Variants in LMBRD2 observed in about 807,000 individuals in gnomAD.
LMBRD2 encodes the protein G protein-coupled receptor-associated protein LMBRD2.
In LMBRD2, 55 loss-of-function variants were observed where a neutral mutation model predicts 94.4. That is an observed-to-expected ratio of 0.58 (90% CI 0.47 to 0.73). The LOEUF is 0.73. Ranked by LOEUF, LMBRD2 falls within the 30% of genes least tolerant of loss-of-function variation. The pLI is 0.00. For synonymous variants in LMBRD2, 246 were observed against 272.4 expected, an observed-to-expected ratio of 0.90 and a Z score of 0.95; for missense variants, 640 against 831.9, an observed-to-expected ratio of 0.77 and a Z score of 2.84.
rs1237480639 is a variant in LMBRD2 at position 36,122,323 on chromosome 5, C to A, written c.1077G>T (p.Glu359Asp). ...HQFVHTFQSPEPENRFIQYFY... is the reference protein window; with the variant it reads ...HQFVHTFQSPDPENRFIQYFY... Reference sequence around the variant, plus strand: ...AATATTGGATAAATCGATTTTCTGGCTCTGGCGATTGAAAGGTGTGAACAA... The same window carrying A: ...AATATTGGATAAATCGATTTTCTGGATCTGGCGATTGAAAGGTGTGAACAA... Residue 359 changes from glutamate to aspartate, a missense_variant, in exon 9 of 18, where the codon GAG (glutamate) becomes GAT (aspartate). Glu to Asp is a conservative substitution (Grantham distance 45). This residue lies in a region of LMBRD2 where 457 missense variants were observed against 642.8 expected (regional missense o/e 0.71). Coordinates refer to ENST00000296603, the MANE Select transcript of LMBRD2 (RefSeq NM_001007527.2). 2.5e-6 allele frequency: 4 copies of A among 1,606,028 alleles called. No homozygotes were observed. The highest frequency in any genetic ancestry group is 3.4e-6 in the Non-Finnish European group (4 of 1,177,790).
chr5:36,122,522 TCCACTAG>T, intron 8 of LMBRD2, 59 bp from the exon 9 acceptor site: 1 of 1,365,686 alleles, frequency 7.3e-7, no homozygotes, highest in Non-Finnish European at 1.0e-6. Context: ...GGTTCAACTC[TCCACTAG>T]GGAGCATGTT....
intron 1 of LMBRD2, among the ~76,000 whole-genome samples, chr5:36,150,128 C>T (rs1373428152): frequency 1.3e-5 from 2 of 152,026 alleles, no homozygotes; most frequent in African/African-American, 4.8e-5. Flanking sequence ...AAAATTATTC[C>T]CATATTAGGA....
intron 4 of LMBRD2, 25 bp downstream of exon 4, chr5:36,141,082 A>T (rs1438973444): frequency 5.0e-6 from 7 of 1,397,298 alleles, no homozygotes; most frequent in Non-Finnish European, 6.0e-6. Flanking sequence ...AAATTTTAAA[A>T]ATTTTATCAT....
chr5:36,142,499 T>TA lies in LMBRD2; in HGVS notation c.272+2dup, dbSNP rs1196165160. The TA allele has an allele frequency of 6.5e-7, 1 of 1,545,476 alleles. No individual in the cohort carries two copies. The highest frequency in any genetic ancestry group is 8.9e-7 in the Non-Finnish European group (1 of 1,121,448). ...TATATATTTTTTTTAAAAAAGGAAA[T>TA]ACCTTGGAACAGGGTTAGCAGTTGC... On this transcript the variant is annotated splice_region_variant and intron_variant, in intron 3 of 17. Coordinates refer to ENST00000296603, the MANE Select transcript of LMBRD2 (RefSeq NM_001007527.2).
At chr5:36,140,735 T>C (rs1337299598) in intron 4 of LMBRD2, among the ~76,000 whole-genome samples, 1 of 151,878 alleles carries the variant, frequency 6.6e-6, no homozygotes, top group Non-Finnish European at 1.5e-5. Flanking sequence ...AAGTTTGAAG[T>C]GAATGGAAAT....
At chr5:36,134,623 A>G (rs1239642615) in intron 6 of LMBRD2, among the ~76,000 whole-genome samples, 1 of 152,154 alleles carries the variant, frequency 6.6e-6, no homozygotes, top group Non-Finnish European at 1.5e-5. Context: ...CTACAAGTCA[A>G]GGAATGCCAA....
chr5:36,139,742 C>T (rs965800112), intron 4 of LMBRD2, among the ~76,000 whole-genome samples: 8 of 152,118 alleles, frequency 5.3e-5, no homozygotes, highest in African/African-American at 1.9e-4. Context: ...ATAGGAGCTA[C>T]CCACTCTGGG....
At chr5:36,141,062 C>G in intron 4 of LMBRD2, 45 bp downstream of exon 4, 1 of 1,032,288 alleles carries the variant, frequency 9.7e-7, no homozygotes, top group Non-Finnish European at 1.5e-6. Context: ...ACATTTTATT[C>G]CTTTAGCCAA....
At chr5:36,132,740 T>C (rs1181113246) in intron 6 of LMBRD2, among the ~76,000 whole-genome samples, 1 of 151,730 alleles carries the variant, frequency 6.6e-6, no homozygotes, top group Non-Finnish European at 1.5e-5. Context: ...CAGAGATCTT[T>C]CACTTATTTG....
At chr5:36,148,606 A>G (rs1348408842) in intron 1 of LMBRD2, among the ~76,000 whole-genome samples, 2 of 152,224 alleles carry the variant, frequency 1.3e-5, no homozygotes, top group Non-Finnish European at 2.9e-5. Context: ...AGTACCTGCC[A>G]AGCTTTATCA....
At chr5:36,133,623 T>C (rs1165413273) in intron 6 of LMBRD2, among the ~76,000 whole-genome samples, 1 of 152,162 alleles carries the variant, frequency 6.6e-6, no homozygotes, top group Non-Finnish European at 1.5e-5. Context: ...TTGTTTTTGA[T>C]GGAAAGAGGT....
chr5:36,108,571 G>T lies in LMBRD2; in HGVS notation c.1860C>A (p.Pro620=). The change falls in exon 16 of 18, where the codon CCC becomes CCA. Residue 620 remains proline, a synonymous_variant. Transcript: ENST00000296603. The stretch of plus-strand genomic sequence containing the variant: ...TAACATCTGAGAAGTTTGACTCTTT[G>T]GGGTCAGTATGAATATTTCTGTTCC... ...STRNRNIHTD[P]KESNFSDVNT... The T allele has an allele frequency of 1.3e-6, 2 of 1,593,952 alleles. No homozygotes were observed. Among genetic ancestry groups the T allele is most frequent in the African/African-American group, 1.3e-5 (1 of 74,670 alleles).
chr5:36,112,183 T>C (rs1166180699), intron 13 of LMBRD2, among the ~76,000 whole-genome samples: 1 of 152,218 alleles, frequency 6.6e-6, no homozygotes, highest in African/African-American at 2.4e-5. Context: ...GTTTCATTCA[T>C]ATAAAAATGT....
intron 6 of LMBRD2, among the ~76,000 whole-genome samples, chr5:36,127,097 T>C (rs58276515): frequency 6.6e-6 from 1 of 152,382 alleles, no homozygotes; most frequent in East Asian, 1.9e-4. Context: ...TGTAAGGGAC[T>C]CTGTCCAATT....
chr5:36,118,098 A>T (rs1274155877), intron 9 of LMBRD2, among the ~76,000 whole-genome samples, 182 bp from the exon 10 acceptor site: 2 of 152,196 alleles, frequency 1.3e-5, no homozygotes, highest in East Asian at 1.9e-4. Flanking sequence ...ACAAACTGAC[A>T]TCATGTGCCT....
chr5:36,139,402 G>T (rs965727921), intron 4 of LMBRD2, among the ~76,000 whole-genome samples: 5 of 152,186 alleles, frequency 3.3e-5, no homozygotes, highest in Non-Finnish European at 7.3e-5. Flanking sequence ...TGCCATAAAT[G>T]ACATGATTGA....
intron 12 of LMBRD2, 123 bp from the exon 13 acceptor site, chr5:36,114,644 A>T: frequency 1.0e-5 from 12 of 1,199,310 alleles, no homozygotes; most frequent in Non-Finnish European, 9.7e-6. Context: ...AAAAAGTAGA[A>T]AAAAAGCAGT....
intron 3 of LMBRD2, 137 bp from the exon 4 acceptor site, chr5:36,141,339 T>G: frequency 2.2e-6 from 1 of 464,932 alleles, no homozygotes; most frequent in Non-Finnish European, 3.8e-6. Context: ...CCCATAAAAT[T>G]TCAAAGAAAT....
rs372735968 is a variant in LMBRD2, at chr5:36,114,415, G to C, written c.1640+9C>G. The C allele has an allele frequency of 1.5e-5, 24 of 1,555,220 alleles. No individual in the cohort carries two copies. In the African/African-American group the frequency reaches 2.8e-4, roughly 18 times the overall value. On this transcript the variant is annotated intron_variant, in intron 13 of 17. Transcript: ENST00000296603. The stretch of plus-strand genomic sequence containing the variant: ...AGAGCAAAAGAAAAAACAATGTTAA[G>C]TTTCTTACCTAAAATAAGTAGCAAT...
Sources: gnomAD v4.1 joint callset for allele counts (sites outside exome capture counted in the v4.1 genomes callset) on GRCh38, gnomAD v4.1.1 for gene constraint, gnomAD v4.1.1 regional missense constraint, MANE v1.5 for transcripts, NCBI Gene and HGNC (gene_info 2026-07-23, HGNC 2026-07-21) for gene names.